Variants in DROSHA observed in about 807,000 individuals in gnomAD.
The protein encoded by DROSHA is drosha ribonuclease III.
Under a neutral mutation model 181.9 loss-of-function variants are expected in DROSHA, and 56 were observed. The ratio of observed to expected loss-of-function variants is 0.31; its 90% CI spans 0.25 to 0.38. The LOEUF is 0.38. Among genes scored for constraint, DROSHA ranks in the 10% least tolerant of loss-of-function variants. The probability of loss-of-function intolerance (pLI) is 1.00; values close to 1 mark genes in which losing one functional copy is unlikely to be tolerated. For missense variants in DROSHA, 1,218 were observed against 1,743.5 expected (o/e 0.70, Z 5.37); for synonymous variants, 524 against 591.2 (o/e 0.89, Z 1.65).
chr5:31,464,324 C>A lies in DROSHA; in HGVS notation c.2486G>T (p.Arg829Leu), dbSNP rs1193883612. 1 of 1,612,838 alleles carries A rather than the reference C, an allele frequency of 6.2e-7. No homozygotes were observed. Among genetic ancestry groups the A allele is most frequent in the Admixed American group, 1.7e-5 (1 of 59,880 alleles). ...TTCTCGTCTCATTGTATTCTTCTGC[C>A]GTATTTTTTGGAGGGCTTCCTAGAA... The part of the protein sequence containing the change: ...AQREEALQKI[R>L]QKNTMRREVT... Residue 829 changes from arginine (R) to leucine (L), a missense_variant, in exon 20 of 36, where the codon CGG (arginine) becomes CTG (leucine). Arg to Leu is a moderately radical substitution (Grantham distance 102). Around this residue, in one of 8 missense-constraint regions of DROSHA, gnomAD observed 460 missense variants for 774.2 expected, o/e 0.59. Coordinates refer to ENST00000344624, the MANE Select transcript of DROSHA (RefSeq NM_001382508.1).
At chr5:31,487,842 T>C (rs1751960184) in intron 13 of DROSHA, among the ~76,000 whole-genome samples, 1 of 152,212 alleles carries the variant, frequency 6.6e-6, no homozygotes, top group Non-Finnish European at 1.5e-5. Flanking sequence ...GTTCTTATAA[T>C]CATTTAAAAA....
chr5:31,433,563 GAGA>G (rs967049511), intron 25 of DROSHA, among the ~76,000 whole-genome samples: 6 of 149,812 alleles, frequency 4.0e-5, no homozygotes, highest in African/African-American at 1.5e-4. Flanking sequence ...TTTTTTCTTT[GAGA>G]AGGAGTCTTG....
intron 13 of DROSHA, among the ~76,000 whole-genome samples, chr5:31,489,895 TGACGCGGAG>T (rs1335080408): frequency 9.3e-5 from 5 of 53,844 alleles, no homozygotes; most frequent in Non-Finnish European, 3.4e-4. Flanking sequence ...TTTCTTTTTT[TGACGCGGAG>T]TTTCGCTCTT....
chr5:31,449,760 G>T (rs181026572), intron 21 of DROSHA, among the ~76,000 whole-genome samples: 1 of 152,136 alleles, frequency 6.6e-6, no homozygotes, highest in Non-Finnish European at 1.5e-5. Flanking sequence ...CTCAGCATGG[G>T]AGCACCATCT....
At chr5:31,503,752 G>A (rs9292430) in intron 11 of DROSHA, among the ~76,000 whole-genome samples, 4,054 of 152,184 alleles carry the variant, frequency 0.027, 175 homozygotes, top group African/African-American at 0.093. Flanking sequence ...GTGCACAAAC[G>A]CTCACAAGAT....
At chr5:31,479,482 G>T (rs1750769233) in intron 16 of DROSHA, among the ~76,000 whole-genome samples, 1 of 152,124 alleles carries the variant, frequency 6.6e-6, no homozygotes, top group Admixed American at 6.5e-5. Flanking sequence ...ACAAATTCAA[G>T]ACTGATTACA....
intron 20 of DROSHA, among the ~76,000 whole-genome samples, chr5:31,460,334 C>T (rs1003987257): frequency 6.6e-6 from 1 of 152,186 alleles, no homozygotes; most frequent in African/African-American, 2.4e-5. Flanking sequence ...ATAGCACCCA[C>T]CCCTAGGTTT....
chr5:31,460,894 TC>T (rs1748330378), intron 20 of DROSHA, among the ~76,000 whole-genome samples: 2 of 151,926 alleles, frequency 1.3e-5, no homozygotes, highest in African/African-American at 4.8e-5. Context: ...CACAGCCAAT[TC>T]TACTGGCAAA....
At chr5:31,492,857 A>G (rs1210519947) in intron 13 of DROSHA, among the ~76,000 whole-genome samples, 1 of 152,268 alleles carries the variant, frequency 6.6e-6, no homozygotes, top group Non-Finnish European at 1.5e-5. Flanking sequence ...GAGACTAAAC[A>G]ATGGCTTCTC....
chr5:31,504,172 G>C (rs1423992110), intron 11 of DROSHA, among the ~76,000 whole-genome samples: 3 of 152,164 alleles, frequency 2.0e-5, no homozygotes, highest in African/African-American at 7.2e-5. Flanking sequence ...GGAAAGGACA[G>C]ACTAACAGAG....
At chr5:31,454,590 TC>T (rs57797985) in intron 20 of DROSHA, among the ~76,000 whole-genome samples, 2,084 of 152,156 alleles carry the variant, frequency 0.014, 52 homozygotes, top group African/African-American at 0.048. Context: ...CACGATCAAA[TC>T]CCATTCAAAG....
At chr5:31,489,149 G>T (rs1752111395) in intron 13 of DROSHA, 2 of 152,176 alleles carry the variant, frequency 1.3e-5, no homozygotes, top group Non-Finnish European at 2.9e-5. Context: ...ATCTGGTGGG[G>T]ATCAGAATAT....
At chr5:31,475,055 C>T (rs577680137) in intron 16 of DROSHA, among the ~76,000 whole-genome samples, 33 of 152,292 alleles carry the variant, frequency 2.2e-4, no homozygotes, top group African/African-American at 7.7e-4. Context: ...TGGTGGCTCA[C>T]GCCTGTAATC....
At chr5:31,432,760 T>C (rs1744330998) in intron 25 of DROSHA, among the ~76,000 whole-genome samples, 1 of 152,232 alleles carries the variant, frequency 6.6e-6, no homozygotes, top group African/African-American at 2.4e-5. Context: ...ATACTAACTT[T>C]ACCTCTGGAT....
intron 24 of DROSHA, 99 bp downstream of exon 24, chr5:31,437,140 T>C: frequency 2.4e-6 from 3 of 1,259,264 alleles, no homozygotes; most frequent in African/African-American, 1.5e-5. Context: ...GGTGTATCAA[T>C]GCCTTATTTG....
chr5:31,405,767 C>CTTTTTTT (rs67380927), intron 34 of DROSHA, 44 bp from the exon 35 acceptor site: 8 of 469,338 alleles, frequency 1.7e-5, no homozygotes, highest in Admixed American at 6.1e-5. Context: ...TTTCAAGATT[C>CTTTTTTT]TTTTTTTTTT....
chr5:31,457,801 G>A (rs140126621), intron 20 of DROSHA, among the ~76,000 whole-genome samples: 119 of 152,160 alleles, frequency 7.8e-4, no homozygotes, highest in African/African-American at 2.7e-3. Context: ...GAGGTGGGAG[G>A]ATGTGTTGGG....
In DROSHA at chr5:31,405,670, G is replaced by C. The variant is rs1243959811; in HGVS notation, c.3994+7C>G. The C allele has an allele frequency of 6.4e-7, 1 of 1,553,222 alleles. No individual in the cohort carries two copies. Among genetic ancestry groups the C allele is most frequent in the Non-Finnish European group, 8.7e-7 (1 of 1,151,190 alleles). Reference sequence around the variant, plus strand: ...GAACATAATTATAGAAAAAAAAACAGGCTTACATTTTTCAAGCGCATCCAT... The same window carrying C: ...GAACATAATTATAGAAAAAAAAACACGCTTACATTTTTCAAGCGCATCCAT... On this transcript the variant is annotated splice_region_variant and intron_variant, in intron 35 of 35. Transcript: ENST00000344624.
intron 30 of DROSHA, 114 bp downstream of exon 30, chr5:31,421,158 T>C (rs1365592720): frequency 1.0e-5 from 8 of 802,784 alleles, no homozygotes; most frequent in East Asian, 5.0e-5. Flanking sequence ...AAGCCAATGA[T>C]AAGCTAAAGT....
Sources: allele counts gnomAD v4.1 joint callset (sites outside exome capture counted in the v4.1 genomes callset), GRCh38; gene constraint gnomAD v4.1.1; regional missense constraint gnomAD v4.1.1; transcripts MANE v1.5; gene names NCBI Gene and HGNC (gene_info 2026-07-23, HGNC 2026-07-21).